EPAS1: variants seen among roughly 807,000 people sequenced by gnomAD.
EPAS1 encodes the protein endothelial PAS domain protein 1.
EPAS1 carries 23 observed loss-of-function variants against 87.9 expected under a neutral mutation model. The observed-to-expected ratio is 0.26, with a 90% CI of 0.19 to 0.37. The LOEUF (loss-of-function observed/expected upper bound fraction) is 0.37. Ranked by LOEUF, EPAS1 falls within the 10% of genes least tolerant of loss-of-function variation. The probability of loss-of-function intolerance (pLI) is 1.00; values close to 1 mark genes in which losing one functional copy is unlikely to be tolerated. For synonymous variants in EPAS1, 508 were observed against 444.3 expected, an observed-to-expected ratio of 1.14 and a Z score of -1.80; for missense variants, 1,138 against 1,120.7, an observed-to-expected ratio of 1.02 and a Z score of -0.22.
At chr2:46,309,477 T>C (rs933125349) in intron 1 of EPAS1, among the ~76,000 whole-genome samples, 3 of 152,206 alleles carry the variant, frequency 2.0e-5, no homozygotes, top group Non-Finnish European at 4.4e-5. Context: ...AGATTGATAG[T>C]AATTAAGTGA....
intron 1 of EPAS1, among the ~76,000 whole-genome samples, chr2:46,302,962 A>G (rs1292293178): frequency 6.6e-6 from 1 of 152,104 alleles, no homozygotes; most frequent in Non-Finnish European, 1.5e-5. Context: ...AGTCCCAGCT[A>G]CTCAAGAGGC....
At chr2:46,377,818 G>A (rs906316988) in intron 9 of EPAS1, 76 bp from the exon 10 acceptor site, 11 of 1,550,990 alleles carry the variant, frequency 7.1e-6, no homozygotes, top group African/African-American at 6.8e-5. Context: ...CCTTCTCTGC[G>A]GTTTTTGGGC....
intron 11 of EPAS1, chr2:46,379,744 C>G (rs902799178): frequency 4.8e-6 from 1 of 207,364 alleles, no homozygotes. Flanking sequence ...TAGGCTGTTA[C>G]TCTGCGAGAG....
intron 1 of EPAS1, among the ~76,000 whole-genome samples, chr2:46,343,452 A>G (rs1435979998): frequency 1.3e-5 from 2 of 152,224 alleles, no homozygotes; most frequent in East Asian, 3.8e-4. Context: ...GCCAATGGAA[A>G]AACTTTTGAT....
At position 46,369,943 on chromosome 2, in the gene EPAS1, A is replaced by C; in HGVS notation, c.886+10A>C. The C allele has an allele frequency of 6.2e-7, 1 of 1,600,444 alleles. No homozygotes were observed. The highest frequency in any genetic ancestry group is 1.1e-5 in the South Asian group (1 of 89,516). On this transcript the variant is annotated intron_variant, in intron 7 of 15. Coordinates refer to ENST00000263734, the MANE Select transcript of EPAS1 (RefSeq NM_001430.5). ...AAGAGTCACCAGAACTGTGAGTTCC[A>C]GGAGTGCCCCTTGTGGCTTCCTTGT...
chr2:46,323,918 C>T (rs536498128), intron 1 of EPAS1, among the ~76,000 whole-genome samples: 2 of 152,326 alleles, frequency 1.3e-5, no homozygotes, highest in South Asian at 4.1e-4. Flanking sequence ...CCACCATGAT[C>T]TTTTGCGTGT....
At chr2:46,343,481 A>C (rs1683951209) in intron 1 of EPAS1, among the ~76,000 whole-genome samples, 2 of 152,246 alleles carry the variant, frequency 1.3e-5, no homozygotes, top group Admixed American at 6.5e-5. Flanking sequence ...CAGAAGAACT[A>C]GGTTTGAGAC....
Position 46,321,271 on chromosome 2 carries a change from A to G in EPAS1, c.26+23334A>G, listed in dbSNP as rs185649046. Among the ~76,000 whole-genome samples, 12 of 152,288 alleles carry G rather than the reference A, an allele frequency of 7.9e-5. No homozygotes were observed. The East Asian group carries it at 2.3e-3, about 29-fold the overall frequency. On this transcript the variant is annotated intron_variant, in intron 1 of 15. Coordinates refer to ENST00000263734, the MANE Select transcript of EPAS1 (RefSeq NM_001430.5). ...TGTGTGTAGACACTATATTTTGTTTATCTGGTCTTCTGTCAAGGGACATTT... is the reference window on the plus strand; with the variant it reads ...TGTGTGTAGACACTATATTTTGTTTGTCTGGTCTTCTGTCAAGGGACATTT...
At chr2:46,342,920 G>A (rs775247773) in intron 1 of EPAS1, among the ~76,000 whole-genome samples, 2 of 152,062 alleles carry the variant, frequency 1.3e-5, no homozygotes, top group East Asian at 1.9e-4. Flanking sequence ...GGGATCAAAC[G>A]TTTCAGAATG....
At chr2:46,309,328 C>T (rs1683169288) in intron 1 of EPAS1, among the ~76,000 whole-genome samples, 1 of 152,220 alleles carries the variant, frequency 6.6e-6, no homozygotes, top group Admixed American at 6.5e-5. Context: ...ATGGACCCTG[C>T]ACTCAGGATG....
intron 9 of EPAS1, among the ~76,000 whole-genome samples, chr2:46,377,615 G>C (rs988521618): frequency 6.6e-6 from 1 of 152,124 alleles, no homozygotes; most frequent in African/African-American, 2.4e-5. Context: ...CTACCCTTCC[G>C]GATCTGTTCC....
At chr2:46,343,745 C>A (rs1326615044) in intron 1 of EPAS1, among the ~76,000 whole-genome samples, 1 of 152,224 alleles carries the variant, frequency 6.6e-6, no homozygotes, top group African/African-American at 2.4e-5. Context: ...GTTGCTGTTT[C>A]TTTATTTCTT....
chr2:46,382,465 C>T lies in EPAS1; in HGVS notation c.2328C>T (p.Pro776=), dbSNP rs752271170. 3 of 1,614,162 alleles carry T rather than the reference C, an allele frequency of 1.9e-6. No individual in the cohort carries two copies. The highest frequency in any genetic ancestry group is 3.3e-5 in the Admixed American group (2 of 60,034). The change falls in exon 15 of 16, where the codon CCC becomes CCT. Residue 776 remains proline (P), a synonymous_variant. Coordinates refer to ENST00000263734, the MANE Select transcript of EPAS1 (RefSeq NM_001430.5). ...ACCCCATGAGGGGCCTGGGCCATCCCCTGAGACATCTGCCGCTGCCACAGC... is the reference window on the plus strand; with the variant it reads ...ACCCCATGAGGGGCCTGGGCCATCCTCTGAGACATCTGCCGCTGCCACAGC... ...TQNPMRGLGH[P]LRHLPLPQPP...
intron 1 of EPAS1, among the ~76,000 whole-genome samples, chr2:46,309,778 C>T (rs1374637785): frequency 6.6e-6 from 1 of 152,162 alleles, no homozygotes; most frequent in Non-Finnish European, 1.5e-5. Context: ...CAGGCCTGGG[C>T]TGGTGTTGGG....
At chr2:46,320,316 T>C (rs186981122) in intron 1 of EPAS1, among the ~76,000 whole-genome samples, 19 of 152,306 alleles carry the variant, frequency 1.2e-4, no homozygotes, top group African/African-American at 4.6e-4. Context: ...TGTACACATT[T>C]AGGGAGTGCA....
At position 46,371,608 on chromosome 2, in the gene EPAS1, G is replaced by T. The variant is rs1427827245; in HGVS notation, c.886+1675G>T. 6.6e-6 allele frequency among the ~76,000 whole-genome samples: 1 copy of T among 152,146 alleles called. No individual in the cohort carries two copies. ...CTTAGCCTGCCCAAGCTTTGAAATT[G>T]TAACATCTGGTTCCAGCCTTCCCTT... On this transcript the variant is annotated intron_variant, in intron 7 of 15. Transcript: ENST00000263734. This position sits in a 1 kb window ranked among gnomAD's most constrained non-coding sequence, Gnocchi z 4.3.
intron 1 of EPAS1, among the ~76,000 whole-genome samples, chr2:46,312,244 C>G (rs1683227288): frequency 6.6e-6 from 1 of 152,178 alleles, no homozygotes; most frequent in Admixed American, 6.5e-5. Flanking sequence ...GTGTCCCTGG[C>G]AAAGCCTACC....
chr2:46,332,663 T>C (rs1683710832), intron 1 of EPAS1, among the ~76,000 whole-genome samples: 1 of 152,192 alleles, frequency 6.6e-6, no homozygotes, highest in African/African-American at 2.4e-5. Context: ...ATTTTTGTTT[T>C]GTTTCTTAGG....
chr2:46,301,795 A>T (rs1683005730), intron 1 of EPAS1, among the ~76,000 whole-genome samples: 1 of 149,018 alleles, frequency 6.7e-6, no homozygotes, highest in Admixed American at 6.9e-5. Context: ...TTTAGGCTGC[A>T]GTAGAAGTGA....
Sources: allele counts gnomAD v4.1 joint callset (sites outside exome capture counted in the v4.1 genomes callset), GRCh38; gene constraint gnomAD v4.1.1; non-coding constraint Gnocchi (gnomAD v3.1); transcripts MANE v1.5; gene names NCBI Gene and HGNC (gene_info 2026-07-23, HGNC 2026-07-21).